Variants in XKR6 observed in about 807,000 individuals in gnomAD.
The protein encoded by XKR6 is XK related 6, also known as XK-related protein 6.
A neutral mutation model predicts 56.7 loss-of-function variants in XKR6; 22 were observed. That is an observed-to-expected ratio of 0.39 (90% CI 0.28 to 0.55). XKR6 has a LOEUF of 0.55. Among genes scored for constraint, XKR6 ranks in the 20% least tolerant of loss-of-function variants. XKR6 has a pLI of 0.66. For missense variants in XKR6, 852 were observed against 889.0 expected (o/e 0.96, Z 0.53); for synonymous variants, 524 against 387.8 (o/e 1.35, Z -4.13).
At chr8:11,100,461 T>C (rs1388078404) in intron 1 of XKR6, among the ~76,000 whole-genome samples, 1 of 152,198 alleles carries the variant, frequency 6.6e-6, no homozygotes, top group Admixed American at 6.5e-5. Flanking sequence ...TCATTGTGTT[T>C]AGTACGCAAT....
intron 1 of XKR6, among the ~76,000 whole-genome samples, chr8:10,940,592 G>T (rs1459839084): frequency 2.6e-5 from 4 of 152,142 alleles, no homozygotes; most frequent in African/African-American, 9.7e-5. Flanking sequence ...CAGACGGCTG[G>T]TCCGGGAGCA....
chr8:10,901,150 G>A (rs189717800), intron 2 of XKR6, among the ~76,000 whole-genome samples: 8 of 150,610 alleles, frequency 5.3e-5, no homozygotes, highest in Admixed American at 4.6e-4. Context: ...CCACTTGCCA[G>A]GTTCAAGTGA....
intron 1 of XKR6, among the ~76,000 whole-genome samples, chr8:11,094,997 G>T (rs1413079299): frequency 6.6e-6 from 1 of 152,146 alleles, no homozygotes; most frequent in African/African-American, 2.4e-5. Flanking sequence ...GCTAACCTAT[G>T]TAACAAACCT....
intron 2 of XKR6, among the ~76,000 whole-genome samples, chr8:10,921,709 C>T (rs1322094228): frequency 3.3e-5 from 5 of 152,176 alleles, no homozygotes; most frequent in African/African-American, 9.7e-5. Context: ...ACCCTGCTAC[C>T]TGCCCTATCT....
At chr8:11,023,510 T>C (rs1798792456) in intron 1 of XKR6, among the ~76,000 whole-genome samples, 1 of 152,204 alleles carries the variant, frequency 6.6e-6, no homozygotes, top group African/African-American at 2.4e-5. Context: ...GGGATCCTCC[T>C]TCCTCAACTT....
intron 1 of XKR6, among the ~76,000 whole-genome samples, chr8:11,031,183 T>A (rs542527741): frequency 8.5e-5 from 13 of 152,120 alleles, no homozygotes; most frequent in African/African-American, 3.1e-4. Context: ...GAATCTGGTA[T>A]TGGGAGAGAA....
chr8:10,945,807 C>T (rs1050876801), intron 1 of XKR6, among the ~76,000 whole-genome samples: 2 of 152,194 alleles, frequency 1.3e-5, no homozygotes, highest in African/African-American at 4.8e-5. Context: ...TGGCCTAGCG[C>T]CGCGTCTCTG....
At chr8:11,075,973 C>T (rs558883705) in intron 1 of XKR6, among the ~76,000 whole-genome samples, 10 of 152,212 alleles carry the variant, frequency 6.6e-5, no homozygotes, top group African/African-American at 9.6e-5. Context: ...GCAGCCCCAG[C>T]GTCACTTGAC....
intron 1 of XKR6, chr8:11,138,300 C>G (rs1800509422): frequency 6.5e-6 from 1 of 152,724 alleles, no homozygotes; most frequent in Non-Finnish European, 1.5e-5. Context: ...TTAGTATGAA[C>G]AACTATGAGT....
intron 1 of XKR6, among the ~76,000 whole-genome samples, chr8:11,026,481 C>G (rs1563353816): frequency 6.6e-6 from 1 of 151,804 alleles, no homozygotes; most frequent in Non-Finnish European, 1.5e-5. Context: ...GTCTAGCCTA[C>G]TACACACCTA....
chr8:11,077,758 T>G, intron 1 of XKR6, among the ~76,000 whole-genome samples: 1 of 152,122 alleles, frequency 6.6e-6, no homozygotes, highest in Middle Eastern at 3.2e-3. Flanking sequence ...CAAGAATGCA[T>G]CTGGGCACAG....
At chr8:11,008,748 CAT>C (rs1185796340) in intron 1 of XKR6, among the ~76,000 whole-genome samples, 2 of 152,096 alleles carry the variant, frequency 1.3e-5, no homozygotes, top group African/African-American at 4.8e-5. Context: ...CCGGTGGACA[CAT>C]GTCTGGGCTG....
intron 1 of XKR6, among the ~76,000 whole-genome samples, chr8:11,160,777 A>C (rs1424136511): frequency 6.6e-6 from 1 of 151,986 alleles, no homozygotes; most frequent in East Asian, 1.9e-4. Context: ...GTATGGTGGC[A>C]CTTGCCTGTA....
chr8:11,024,668 C>T (rs1229166491), intron 1 of XKR6, among the ~76,000 whole-genome samples: 2 of 152,252 alleles, frequency 1.3e-5, no homozygotes, highest in Non-Finnish European at 2.9e-5. Context: ...GGCAACCTTG[C>T]TCCCACATTT....
At chr8:11,067,661 G>A (rs551062632) in intron 1 of XKR6, among the ~76,000 whole-genome samples, 39 of 152,376 alleles carry the variant, frequency 2.6e-4, no homozygotes, top group Middle Eastern at 3.4e-3. Context: ...GTTGAGACAG[G>A]TGGTTGGTGT....
chr8:10,982,922 C>T (rs373559620), intron 1 of XKR6, among the ~76,000 whole-genome samples: 13 of 152,294 alleles, frequency 8.5e-5, no homozygotes, highest in South Asian at 6.2e-4. Context: ...ACCCCATTTC[C>T]GCTCCTTCCT....
intron 1 of XKR6, among the ~76,000 whole-genome samples, chr8:10,998,290 C>A (rs186546860): frequency 6.6e-6 from 1 of 152,144 alleles, no homozygotes; most frequent in African/African-American, 2.4e-5. Context: ...CACATACACA[C>A]ACACACACAC....
intron 1 of XKR6, among the ~76,000 whole-genome samples, chr8:11,028,816 A>T (rs944437804): frequency 6.6e-6 from 1 of 152,174 alleles, no homozygotes; most frequent in African/African-American, 2.4e-5. Flanking sequence ...AGGCACTATG[A>T]CAGTCCACAT....
intron 1 of XKR6, among the ~76,000 whole-genome samples, chr8:10,999,046 C>T (rs142067945): frequency 9.1e-4 from 138 of 152,332 alleles, no homozygotes; most frequent in African/African-American, 3.2e-3. Context: ...CCTCTCAATG[C>T]TTGGAAGAAA....
Sources: allele counts gnomAD v4.1 joint callset (sites outside exome capture counted in the v4.1 genomes callset), GRCh38; gene constraint gnomAD v4.1.1; transcripts MANE v1.5; gene names NCBI Gene and HGNC (gene_info 2026-07-23, HGNC 2026-07-21).